Variants in TENM3 observed in about 807,000 individuals in gnomAD.
TENM3 encodes the protein teneurin-3.
TENM3 carries 63 observed loss-of-function variants against 255.1 expected under a neutral mutation model. The observed-to-expected ratio is 0.25, with a 90% confidence interval of 0.20 to 0.30. The LOEUF is 0.30. Ranked by LOEUF, TENM3 falls within the 10% of genes least tolerant of loss-of-function variation. The pLI, the probability that TENM3 is intolerant of heterozygous loss-of-function variation, is 1.00. For synonymous variants in TENM3, 1,306 were observed against 1,322.3 expected (o/e 0.99, Z 0.27); for missense variants, 2,929 against 3,461.1 (o/e 0.85, Z 3.86).
At chr4:181,468,994 A>T in the TENM3 span, among the ~76,000 whole-genome samples, 28 of 152,216 alleles carry the variant, frequency 1.8e-4, no homozygotes, top group Non-Finnish European at 3.4e-4. Flanking sequence ...CCTGGATGTC[A>T]GAATTTTTTT....
chr4:182,345,247 C>A (rs1280310502), intron 2 of TENM3, among the ~76,000 whole-genome samples: 1 of 152,166 alleles, frequency 6.6e-6, no homozygotes, highest in Non-Finnish European at 1.5e-5. Context: ...CTGGAGGGTG[C>A]TAATATCTTT....
chr4:182,539,092 A>G (rs997320261), intron 3 of TENM3, among the ~76,000 whole-genome samples: 2 of 151,534 alleles, frequency 1.3e-5, no homozygotes, highest in African/African-American at 4.9e-5. Context: ...AAAAAAGCAT[A>G]GATTGGGAAG....
At chr4:182,782,700 G>C (rs1765274362) in intron 24 of TENM3, among the ~76,000 whole-genome samples, 1 of 36,244 alleles carries the variant, frequency 2.8e-5, no homozygotes, top group Non-Finnish European at 5.1e-5. Context: ...AAGTCTCTTT[G>C]TAGGTCACTC....
the TENM3 span, among the ~76,000 whole-genome samples, chr4:181,859,454 T>G: frequency 8.5e-5 from 13 of 152,070 alleles, no homozygotes; most frequent in Non-Finnish European, 7.4e-5. Context: ...AGCAAAAAAG[T>G]AGGAAATTAT....
At chr4:182,244,224 A>T (rs1296964085) in intron 1 of TENM3, among the ~76,000 whole-genome samples, 1 of 152,044 alleles carries the variant, frequency 6.6e-6, no homozygotes, top group African/African-American at 2.4e-5. Context: ...AAGTGCTGGG[A>T]TTACAGGCGT....
chr4:182,714,287 T>C lies in TENM3; in HGVS notation c.2368+54T>C. 5.3e-6 allele frequency: 6 copies of C among 1,138,736 alleles called. No individual in the cohort carries two copies. In the South Asian group the frequency reaches 6.4e-5, roughly 12 times the overall value. The allele number at this position is 1,138,736 out of a possible 1,614,324, so 70.5% of individuals were successfully genotyped here. A position where few individuals can be genotyped will look rare whatever the true frequency, so the allele number is the denominator to read the frequency against. On this transcript the variant is annotated intron_variant, in intron 13 of 27. Transcript: ENST00000511685. ...CTGTGCCAGAGCACAGGTTCGTAAG[T>C]GACAGTGAGTACATAGATATCTGTT...
chr4:182,689,206 G>A (rs939466623), intron 12 of TENM3, among the ~76,000 whole-genome samples: 3 of 152,134 alleles, frequency 2.0e-5, no homozygotes, highest in Non-Finnish European at 2.9e-5. Flanking sequence ...CAAAATTTCA[G>A]AATTTGTGGT....
the TENM3 span, among the ~76,000 whole-genome samples, chr4:181,846,632 T>C: frequency 6.6e-6 from 1 of 152,226 alleles, no homozygotes; most frequent in Non-Finnish European, 1.5e-5. Flanking sequence ...ATTTCCTCAA[T>C]TCATTTTTTT....
chr4:182,476,372 A>T (rs1733684786), intron 3 of TENM3, among the ~76,000 whole-genome samples: 1 of 152,098 alleles, frequency 6.6e-6, no homozygotes, highest in Non-Finnish European at 1.5e-5. Context: ...GAGAAGAAAA[A>T]CCTGATAGCA....
Position 182,792,171 on chromosome 4 carries a change from T to G in TENM3, c.5602-103T>G. ...AAGGATAACTCAATTAAAATGAAAA[T>G]CATTTTCTCTAGTGGAATGTTTCTG... On this transcript the variant is annotated intron_variant, in intron 25 of 27. Transcript: ENST00000511685. This position sits in a 1 kb window ranked among gnomAD's most constrained non-coding sequence, Gnocchi z 6.3. 9.2e-7 allele frequency: 1 copy of G among 1,089,330 alleles called. No individual in the cohort carries two copies. The allele number at this position is 1,089,330 out of a possible 1,614,324, so 67.5% of individuals were successfully genotyped here. A position where few individuals can be genotyped will look rare whatever the true frequency, so the allele number is the denominator to read the frequency against.
intron 12 of TENM3, chr4:182,711,614 C>A: frequency 1.0e-6 from 1 of 971,722 alleles, no homozygotes; most frequent in Non-Finnish European, 1.2e-6. Context: ...ACTGTATACT[C>A]GCTCTTTGTT....
At chr4:182,381,231 A>T (rs950980957) in intron 3 of TENM3, among the ~76,000 whole-genome samples, 5 of 152,114 alleles carry the variant, frequency 3.3e-5, no homozygotes, top group Non-Finnish European at 2.9e-5. Context: ...GACGGAAAAC[A>T]CCTATTAGTC....
At chr4:182,680,879 GT>G in intron 10 of TENM3, 142 bp downstream of exon 10, 1 of 573,864 alleles carries the variant, frequency 1.7e-6, no homozygotes, top group Non-Finnish European at 2.8e-6. Flanking sequence ...TGAATGCATT[GT>G]TTTACTAACA....
At position 182,177,636 on chromosome 4, in the gene TENM3, C is replaced by T. The variant is rs544849622; in HGVS notation, c.-76+32882C>T. ...TATATTTTTTTTTTTTTTGCTCTAC[C>T]CTCAAAACTACTTAAGTGATGTTGC... On this transcript the variant is annotated intron_variant, in intron 1 of 2. Coordinates refer to the TENM3 transcript ENST00000512480. Among the ~76,000 whole-genome samples the T allele has an allele frequency of 2.7e-5, 4 of 149,630 alleles. No homozygotes were observed. The East Asian group carries it at 7.8e-4, about 29-fold the overall frequency.
intron 12 of TENM3, among the ~76,000 whole-genome samples, chr4:182,694,890 A>C (rs1233639982): frequency 6.6e-6 from 1 of 152,228 alleles, no homozygotes; most frequent in African/African-American, 2.4e-5. Context: ...ATCTCAGATA[A>C]TGGTGAAAGA....
chr4:182,719,346 C>T (rs1759493319), intron 13 of TENM3, among the ~76,000 whole-genome samples: 1 of 146,298 alleles, frequency 6.8e-6, no homozygotes, highest in Non-Finnish European at 1.5e-5. Flanking sequence ...ACTGCAACCT[C>T]CGCCTGCCGG....
At chr4:181,770,865 A>T in the TENM3 span, among the ~76,000 whole-genome samples, 452 of 152,260 alleles carry the variant, frequency 3.0e-3, 2 homozygotes, top group Middle Eastern at 0.014. Flanking sequence ...ATCTATTGCA[A>T]ACTTACTGTG....
intron 3 of TENM3, among the ~76,000 whole-genome samples, chr4:182,359,122 G>A (rs375172671): frequency 4.9e-4 from 75 of 151,872 alleles, no homozygotes; most frequent in East Asian, 1.4e-3. Flanking sequence ...TCGGTTTGCC[G>A]GTATTTTATT....
the TENM3 span, among the ~76,000 whole-genome samples, chr4:181,559,200 G>C: frequency 2.0e-5 from 3 of 152,030 alleles, no homozygotes; most frequent in Non-Finnish European, 4.4e-5. Context: ...AAAAACATAA[G>C]GATTTAAAAT....
Sources: allele counts gnomAD v4.1 joint callset (sites outside exome capture counted in the v4.1 genomes callset), GRCh38; gene constraint gnomAD v4.1.1; non-coding constraint Gnocchi (gnomAD v3.1); transcripts MANE v1.5; gene names NCBI Gene and HGNC (gene_info 2026-07-23, HGNC 2026-07-21).